BICC1: variants seen among roughly 807,000 people sequenced by gnomAD.
BICC1 encodes the protein BicC family RNA binding protein 1.
Under a neutral mutation model 111.0 loss-of-function variants are expected in BICC1, and 43 were observed. The ratio of observed to expected loss-of-function variants is 0.39; its 90% CI spans 0.30 to 0.50. The LOEUF (loss-of-function observed/expected upper bound fraction) is 0.50, where lower values mean the gene tolerates loss of function less well. BICC1 is among the 20% of genes least tolerant of loss of function. The pLI is 0.88. For missense variants in BICC1, 1,091 were observed against 1,203.2 expected (o/e 0.91, Z 1.38); for synonymous variants, 467 against 434.4 (o/e 1.07, Z -0.93).
intron 2 of BICC1, among the ~76,000 whole-genome samples, chr10:58,633,995 CT>C (rs5785333): frequency 0.92 from 92,513 of 100,130 alleles, 42,601 homozygotes; most frequent in East Asian, 0.98. Context: ...TTTTTCTTTT[CT>C]TTTTTTTTTT....
At chr10:58,697,447 CAAT>C (rs1297710996) in intron 2 of BICC1, among the ~76,000 whole-genome samples, 1 of 152,116 alleles carries the variant, frequency 6.6e-6, no homozygotes, top group East Asian at 1.9e-4. Flanking sequence ...CAAATAGGGA[CAAT>C]AATGAAATTT....
At chr10:58,625,943 A>C (rs1845977740) in intron 2 of BICC1, among the ~76,000 whole-genome samples, 2 of 152,204 alleles carry the variant, frequency 1.3e-5, no homozygotes, top group South Asian at 4.1e-4. Context: ...TGGTTTAATT[A>C]TTTAAAAGTG....
intron 9 of BICC1, among the ~76,000 whole-genome samples, chr10:58,793,937 A>G (rs2132833479): frequency 6.6e-6 from 1 of 152,326 alleles, no homozygotes; most frequent in South Asian, 2.1e-4. Flanking sequence ...CTCAACTTGT[A>G]TAATATATAT....
intron 1 of BICC1, among the ~76,000 whole-genome samples, chr10:58,597,813 T>C (rs1191266527): frequency 1.3e-5 from 2 of 152,090 alleles, no homozygotes; most frequent in East Asian, 1.9e-4. Context: ...AAAATATGGC[T>C]CTTTTTGCCC....
chr10:58,534,273 T>G (rs1389150874), intron 1 of BICC1, among the ~76,000 whole-genome samples: 3 of 151,478 alleles, frequency 2.0e-5, no homozygotes, highest in Non-Finnish European at 4.4e-5. Flanking sequence ...TGCTCTGAAC[T>G]TTTTTTTCAA....
chr10:58,616,831 G>A (rs1464940571), intron 1 of BICC1, among the ~76,000 whole-genome samples: 1 of 152,210 alleles, frequency 6.6e-6, no homozygotes. Context: ...AGGGCTATGT[G>A]CATAGCCCCA....
rs538468595 is a variant in BICC1, at chr10:58,581,158, A to G, written c.191-39697A>G. Among the ~76,000 whole-genome samples the G allele has an allele frequency of 4.1e-4, 63 of 152,324 alleles. 1 individual carries two copies. The South Asian group carries it at 0.012, about 29-fold the overall frequency. On this transcript the variant is annotated intron_variant, in intron 1 of 20. Transcript: ENST00000373886. ...TCTTTGTAGCTCTGCTTTTATAAGG[A>G]TAACATAAAGTCTCAGATAATTGTG...
intron 8 of BICC1, 21 bp downstream of exon 8, chr10:58,789,954 G>T (rs753771191): frequency 1.2e-5 from 19 of 1,611,856 alleles, no homozygotes; most frequent in Non-Finnish European, 1.6e-5. Flanking sequence ...TGAAATAAGT[G>T]TTACAATTTT....
intron 2 of BICC1, among the ~76,000 whole-genome samples, chr10:58,645,440 G>A (rs960034423): frequency 1.4e-5 from 2 of 144,510 alleles, no homozygotes; most frequent in Non-Finnish European, 3.0e-5. Context: ...AAAAAAGAGG[G>A]AAAAGGTATG....
At chr10:58,682,062 C>G (rs1450329363) in intron 2 of BICC1, among the ~76,000 whole-genome samples, 1 of 144,946 alleles carries the variant, frequency 6.9e-6, no homozygotes, top group Non-Finnish European at 1.5e-5. Context: ...GTTCCTCACC[C>G]TGTGTCCAAG....
intron 15 of BICC1, among the ~76,000 whole-genome samples, chr10:58,805,334 G>A (rs568479665): frequency 1.0e-3 from 152 of 151,862 alleles, no homozygotes; most frequent in African/African-American, 3.5e-3. Context: ...GCAAGTCATC[G>A]AGGCTGTAGC....
chr10:58,649,066 A>C (rs1838361172), intron 2 of BICC1, among the ~76,000 whole-genome samples: 1 of 152,226 alleles, frequency 6.6e-6, no homozygotes, highest in Non-Finnish European at 1.5e-5. Flanking sequence ...CCCCAATAAG[A>C]AGATTAAAGA....
intron 20 of BICC1, among the ~76,000 whole-genome samples, chr10:58,826,528 G>A (rs1844401077): frequency 7.4e-6 from 1 of 135,070 alleles, no homozygotes; most frequent in Non-Finnish European, 1.6e-5. Flanking sequence ...AAGGCGGGTG[G>A]ATCACAAGAT....
chr10:58,735,395 A>T (rs1427426401), intron 3 of BICC1, among the ~76,000 whole-genome samples: 1 of 152,226 alleles, frequency 6.6e-6, no homozygotes, highest in South Asian at 2.1e-4. Context: ...ATGCCAGCCA[A>T]ATGTTACACC....
At chr10:58,556,721 A>G (rs1843458060) in intron 1 of BICC1, among the ~76,000 whole-genome samples, 1 of 152,140 alleles carries the variant, frequency 6.6e-6, no homozygotes, top group Non-Finnish European at 1.5e-5. Context: ...AAACAATCTT[A>G]AATTACTAAG....
chr10:58,733,564 C>T (rs1485526947), intron 3 of BICC1, among the ~76,000 whole-genome samples: 1 of 152,188 alleles, frequency 6.6e-6, no homozygotes, highest in East Asian at 1.9e-4. Context: ...AGGGTAGCTA[C>T]AGCACCTCAG....
chr10:58,739,107 A>T, intron 3 of BICC1, among the ~76,000 whole-genome samples: 1 of 152,174 alleles, frequency 6.6e-6, no homozygotes, highest in East Asian at 1.9e-4. Flanking sequence ...CCTGGCCAGA[A>T]CTTCCAACAC....
In BICC1 at chr10:58,785,367, G is replaced by A. The variant is rs114251685; in HGVS notation, c.387+287G>A. Among the ~76,000 whole-genome samples the A allele has an allele frequency of 7.0e-3, 1,065 of 152,118 alleles. 14 individuals are homozygous for A. Among genetic ancestry groups the A allele is most frequent in the African/African-American group, 0.024 (1,001 of 41,504 alleles). On this transcript the variant is annotated intron_variant, in intron 4 of 20. Coordinates refer to ENST00000373886, the MANE Select transcript of BICC1 (RefSeq NM_001080512.3). ...TATGTATGTGTATATATGTATACAT[G>A]TACATATATACCATCTTCAGAAATA...
chr10:58,606,521 C>T (rs1027021605), intron 1 of BICC1, among the ~76,000 whole-genome samples: 1 of 151,946 alleles, frequency 6.6e-6, no homozygotes, highest in Non-Finnish European at 1.5e-5. Flanking sequence ...GTGTAACTAA[C>T]CTGCACATTG....
Sources: gnomAD v4.1 joint callset for allele counts (sites outside exome capture counted in the v4.1 genomes callset) on GRCh38, gnomAD v4.1.1 for gene constraint, MANE v1.5 for transcripts, NCBI Gene and HGNC (gene_info 2026-07-23, HGNC 2026-07-21) for gene names.